Variants in NALF1 observed in about 807,000 individuals in gnomAD.
NALF1 encodes the protein NALCN channel auxiliary factor 1.
NALF1 carries 3 observed loss-of-function variants against 48.4 expected under a neutral mutation model. The ratio of observed to expected loss-of-function variants is 0.06; its 90% confidence interval spans 0.03 to 0.16. NALF1 has a LOEUF of 0.16. Among genes scored for constraint, NALF1 ranks in the 10% least tolerant of loss-of-function variants. NALF1 has a pLI of 1.00. For synonymous variants in NALF1, 262 were observed against 245.7 expected (o/e 1.07, Z -0.62); for missense variants, 526 against 571.5 (o/e 0.92, Z 0.81).
rs555579258 is a variant in NALF1 at position 107,681,373 on chromosome 13, C to A, written c.915+184309G>T. 3.9e-5 allele frequency among the ~76,000 whole-genome samples: 6 copies of A among 152,126 alleles called. No individual in the cohort carries two copies. The South Asian group carries it at 1.0e-3, about 26-fold the overall frequency. ...CAACACGTGAATGAGATGAAAGGGT[C>A]ACTGGTCTGGTGGAGCTGGGGCTGG... On this transcript the variant is annotated intron_variant, in intron 1 of 2. Coordinates refer to ENST00000375915, the MANE Select transcript of NALF1 (RefSeq NM_001080396.3).
chr13:107,218,727 A>G (rs1214695009), intron 1 of NALF1, among the ~76,000 whole-genome samples: 3 of 152,206 alleles, frequency 2.0e-5, no homozygotes, highest in Admixed American at 2.0e-4. Flanking sequence ...CCTAAAGCAC[A>G]ATATGGGATT....
At chr13:107,685,066 G>A (rs1050611988) in intron 1 of NALF1, among the ~76,000 whole-genome samples, 9 of 152,196 alleles carry the variant, frequency 5.9e-5, no homozygotes, top group Admixed American at 4.6e-4. Context: ...TGTAATCCCA[G>A]CACTTTGGGA....
intron 1 of NALF1, among the ~76,000 whole-genome samples, chr13:107,415,196 C>T (rs1884064694): frequency 1.3e-5 from 2 of 152,152 alleles, no homozygotes; most frequent in African/African-American, 2.4e-5. Flanking sequence ...CTCTGCTTTA[C>T]ATACATCCTA....
chr13:107,358,165 C>T (rs1438992943), intron 1 of NALF1, among the ~76,000 whole-genome samples: 3 of 112,824 alleles, frequency 2.7e-5, no homozygotes, highest in Non-Finnish European at 6.1e-5. Flanking sequence ...ATATACGTAA[C>T]ATATGTGTGT....
intron 1 of NALF1, among the ~76,000 whole-genome samples, chr13:107,482,294 C>A (rs553140999): frequency 3.6e-4 from 55 of 152,170 alleles, no homozygotes; most frequent in African/African-American, 1.3e-3. Flanking sequence ...ACTTGCCCAC[C>A]CTCACAGTGG....
rs796902886 is a variant in NALF1, at chr13:107,390,351, GA to G, written c.916-179597del. ...CAGAGTGAGACTCTGTCTCAAAAAA[GA>G]AAAAAAAAAAGGAAAGATTATTAAA... is the stretch of plus-strand genomic sequence containing the variant. On this transcript the variant is annotated intron_variant, in intron 1 of 2. Coordinates refer to ENST00000375915, the MANE Select transcript of NALF1 (RefSeq NM_001080396.3). 1.7e-3 allele frequency among the ~76,000 whole-genome samples: 224 copies of G among 130,364 alleles called. 1 individual carries two copies. Among genetic ancestry groups the G allele is most frequent in the Middle Eastern group, 3.7e-3 (1 of 268 alleles). 85.5% of individuals were successfully genotyped at this position (130,364 alleles called of 152,430 possible). A position where few individuals can be genotyped will look rare whatever the true frequency, so the allele number is the denominator to read the frequency against.
At chr13:107,831,796 C>T (rs1879740689) in intron 1 of NALF1, among the ~76,000 whole-genome samples, 1 of 152,204 alleles carries the variant, frequency 6.6e-6, no homozygotes, top group Non-Finnish European at 1.5e-5. Context: ...TGCCACCTCT[C>T]ATCTCTGCCC....
In NALF1 at chr13:107,169,143, C is replaced by T. The variant is rs547672574; in HGVS notation, c.*1354G>A. ...AATAAAATACAAACAGTGATCAGACCTCTTTTCCTCAACTACCTAGAGCAT... is the reference window on the plus strand; with the variant it reads ...AATAAAATACAAACAGTGATCAGACTTCTTTTCCTCAACTACCTAGAGCAT... On this transcript the variant is annotated 3_prime_UTR_variant, in exon 3 of 3. Transcript: ENST00000375915. 1 of 152,548 alleles carries T rather than the reference C, an allele frequency of 6.6e-6. No individual in the cohort carries two copies. The highest frequency in any genetic ancestry group is 2.1e-4 in the South Asian group (1 of 4,824). 9.4% of individuals were successfully genotyped at this position (152,548 alleles called of 1,614,324 possible). A position where few individuals can be genotyped will look rare whatever the true frequency, so the allele number is the denominator to read the frequency against.
chr13:107,369,175 T>C (rs776361533), intron 1 of NALF1, among the ~76,000 whole-genome samples: 1 of 152,222 alleles, frequency 6.6e-6, no homozygotes, highest in Non-Finnish European at 1.5e-5. Flanking sequence ...TGAACTCCAG[T>C]AGGCATCACA....
chr13:107,352,736 T>C (rs1324876146), intron 1 of NALF1, among the ~76,000 whole-genome samples: 1 of 152,190 alleles, frequency 6.6e-6, no homozygotes, highest in South Asian at 2.1e-4. Flanking sequence ...TTTGACATGT[T>C]GAGGGGCCTT....
chr13:107,498,218 G>A (rs1875400927), intron 1 of NALF1, among the ~76,000 whole-genome samples: 2 of 152,120 alleles, frequency 1.3e-5, no homozygotes, highest in African/African-American at 2.4e-5. Context: ...GAGGGAACCA[G>A]GAAAATATTA....
At chr13:107,838,790 G>A (rs1879971714) in intron 1 of NALF1, among the ~76,000 whole-genome samples, 1 of 152,182 alleles carries the variant, frequency 6.6e-6, no homozygotes, top group Non-Finnish European at 1.5e-5. Flanking sequence ...GCAGGTGGGA[G>A]GATGGCGCAG....
chr13:107,354,408 G>C (rs1397578625), intron 1 of NALF1, among the ~76,000 whole-genome samples: 1 of 152,038 alleles, frequency 6.6e-6, no homozygotes, highest in African/African-American at 2.4e-5. Flanking sequence ...ACTGTGTGAC[G>C]GTCAGCCAGA....
chr13:107,739,447 T>A (rs901993888), intron 1 of NALF1, among the ~76,000 whole-genome samples: 1 of 148,750 alleles, frequency 6.7e-6, no homozygotes, highest in Non-Finnish European at 1.5e-5. Context: ...ATATTATATA[T>A]TATATACATG....
intron 2 of NALF1, among the ~76,000 whole-genome samples, chr13:107,199,049 C>T (rs543572501): frequency 4.1e-4 from 62 of 150,202 alleles, no homozygotes; most frequent in Non-Finnish European, 8.0e-4. Flanking sequence ...TTCAATAGGA[C>T]AGATGTCATT....
rs115786168 is a variant in NALF1 at position 107,614,010 on chromosome 13, A to G, written c.915+251672T>C. On this transcript the variant is annotated intron_variant, in intron 1 of 2. Coordinates refer to ENST00000375915, the MANE Select transcript of NALF1 (RefSeq NM_001080396.3). ...AAATTGATACTCAGAAAGGGTAAGT[A>G]CTGACCTAGCTTTTCCAAGATGTTT... Among the ~76,000 whole-genome samples the G allele has an allele frequency of 5.1e-3, 774 of 152,324 alleles. 11 individuals carry two copies. Among genetic ancestry groups the G allele is most frequent in the African/African-American group, 0.018 (740 of 41,558 alleles).
chr13:107,548,457 T>C (rs1877198671), intron 1 of NALF1, among the ~76,000 whole-genome samples: 1 of 152,150 alleles, frequency 6.6e-6, no homozygotes, highest in Non-Finnish European at 1.5e-5. Flanking sequence ...TTTAGAATGA[T>C]TCATATCCCT....
At chr13:107,239,968 T>C (rs1281552727) in intron 1 of NALF1, among the ~76,000 whole-genome samples, 3 of 152,312 alleles carry the variant, frequency 2.0e-5, no homozygotes, top group African/African-American at 7.2e-5. Flanking sequence ...GATTTCTAAA[T>C]TTCTGAATTT....
intron 1 of NALF1, among the ~76,000 whole-genome samples, chr13:107,225,749 T>A (rs1037801116): frequency 1.3e-5 from 2 of 152,110 alleles, no homozygotes. Context: ...TCCATAGAGA[T>A]ACTGAACACA....
Sources: allele counts gnomAD v4.1 joint callset (sites outside exome capture counted in the v4.1 genomes callset), GRCh38; gene constraint gnomAD v4.1.1; transcripts MANE v1.5; gene names NCBI Gene and HGNC (gene_info 2026-07-23, HGNC 2026-07-21).